XKR9: variants seen among roughly 807,000 people sequenced by gnomAD.
The protein encoded by XKR9 is XK related 9.
XKR9 carries 32 observed loss-of-function variants against 32.0 expected under a neutral mutation model. The ratio of observed to expected loss-of-function variants is 1.00; its 90% CI spans 0.76 to 1.34. The LOEUF is 1.34. XKR9 is among the 40% of genes most tolerant of loss of function. XKR9 has a pLI of 0.00. For missense variants in XKR9, 546 were observed against 429.7 expected, an observed-to-expected ratio of 1.27 and a Z score of -2.39; for synonymous variants, 168 against 143.4, an observed-to-expected ratio of 1.17 and a Z score of -1.22.
the XKR9 span, among the ~76,000 whole-genome samples, chr8:70,954,246 A>G: frequency 0.029 from 4,340 of 152,034 alleles, 181 homozygotes; most frequent in African/African-American, 0.1. Flanking sequence ...GTTCCCAGCT[A>G]GTGTAGCCTG....
chr8:70,776,786 A>T (rs910498261), intron 2 of XKR9, among the ~76,000 whole-genome samples: 3 of 151,656 alleles, frequency 2.0e-5, no homozygotes, highest in African/African-American at 7.3e-5. Context: ...CTGCCACCTT[A>T]AATTAAGAAA....
At position 70,733,946 on chromosome 8, in the gene XKR9, C is replaced by T. The variant is rs1000729653; in HGVS notation, c.644C>T (p.Ser215Leu). The change falls in exon 5 of 5, where the codon TCG (serine) becomes TTG (leucine). Residue 215 changes from serine to leucine, a missense_variant. Physicochemically the swap from Ser to Leu is moderately radical, Grantham distance 145 (BLOSUM62 -2). Transcript: ENST00000408926. The stretch of plus-strand genomic sequence containing the variant: ...TTTTACAAGTTGTTTACATTATTAT[C>T]GTGGATGCTGAGTGTTGTACTTCTA... Reference protein sequence around the residue: ...YLFYKLFTLLSWMLSVVLLLF... With the variant: ...YLFYKLFTLLLWMLSVVLLLF... The T allele has an allele frequency of 5.6e-6, 9 of 1,612,538 alleles. No individual in the cohort carries two copies. Among genetic ancestry groups the T allele is most frequent in the Middle Eastern group, 1.6e-4 (1 of 6,076 alleles).
chr8:70,708,668 G>A (rs1805806911), intron 4 of XKR9, among the ~76,000 whole-genome samples: 1 of 152,056 alleles, frequency 6.6e-6, no homozygotes, highest in South Asian at 2.1e-4. Context: ...TATGCAAAAT[G>A]TTAAGTGTGT....
At chr8:70,708,510 C>A (rs188914435) in intron 4 of XKR9, among the ~76,000 whole-genome samples, 1 of 151,980 alleles carries the variant, frequency 6.6e-6, no homozygotes, top group East Asian at 1.9e-4. Context: ...CATTATGTAG[C>A]CACTAGAGTG....
rs1281202644 is a variant in XKR9, at chr8:70,734,407, TA to T, written c.1106del (p.Tyr369PhefsTer3). On this transcript the variant is annotated frameshift_variant, in exon 5 of 5. Coordinates refer to ENST00000408926, the MANE Select transcript of XKR9 (RefSeq NM_001011720.2). LOFTEE classifies it high-confidence loss of function. ...KPVLRECRMR[Y>X]FLME ...AGTTCTAAGAGAATGTAGAATGAGA[TA>T]TTTCCTAATGGAATAAGCTATTCAT... is the stretch of plus-strand genomic sequence containing the variant. 2 of 1,586,594 alleles carry T rather than the reference TA, an allele frequency of 1.3e-6. No homozygotes were observed. The highest frequency in any genetic ancestry group is 3.6e-5 in the Admixed American group (2 of 55,616).
the XKR9 span, among the ~76,000 whole-genome samples, chr8:70,840,866 T>TA: frequency 6.6e-6 from 1 of 152,138 alleles, no homozygotes; most frequent in African/African-American, 2.4e-5. Context: ...TTTTACTCCC[T>TA]AAAAAAATTG....
chr8:70,695,771 T>A (rs1805249094), intron 3 of XKR9, among the ~76,000 whole-genome samples: 1 of 149,620 alleles, frequency 6.7e-6, no homozygotes, highest in African/African-American at 2.4e-5. Flanking sequence ...CCACAATGGT[T>A]GAACTAGTTT....
chr8:70,687,009 C>T lies in XKR9; in HGVS notation c.272+5679C>T, dbSNP rs573876882. Reference sequence around the variant, plus strand: ...TATTTAAAAATACACAGTAAATTATCGTTGACTTTAATCACCCTGTTATGT... The same window carrying T: ...TATTTAAAAATACACAGTAAATTATTGTTGACTTTAATCACCCTGTTATGT... On this transcript the variant is annotated intron_variant, in intron 3 of 4. Coordinates refer to ENST00000408926, the MANE Select transcript of XKR9 (RefSeq NM_001011720.2). Among the ~76,000 whole-genome samples, 6 of 152,236 alleles carry T rather than the reference C, an allele frequency of 3.9e-5. No individual in the cohort carries two copies. In the South Asian group the frequency reaches 8.3e-4, roughly 21 times the overall value.
the XKR9 span, among the ~76,000 whole-genome samples, chr8:70,991,030 G>A: frequency 6.6e-6 from 1 of 152,202 alleles, no homozygotes; most frequent in African/African-American, 2.4e-5. Flanking sequence ...TAGGGTGGGA[G>A]ACAAGACATC....
chr8:71,024,531 G>T, the XKR9 span, among the ~76,000 whole-genome samples: 1 of 152,108 alleles, frequency 6.6e-6, no homozygotes, highest in Non-Finnish European at 1.5e-5. Flanking sequence ...GCACCATTCT[G>T]CAACTACCTG....
chr8:70,896,953 C>T, the XKR9 span, among the ~76,000 whole-genome samples: 13 of 152,080 alleles, frequency 8.5e-5, no homozygotes, highest in South Asian at 2.1e-4. Context: ...CCCTGTTTTG[C>T]GAGCAAATAC....
chr8:70,906,371 T>G, the XKR9 span, among the ~76,000 whole-genome samples: 1 of 152,226 alleles, frequency 6.6e-6, no homozygotes, highest in African/African-American at 2.4e-5. Flanking sequence ...TATTTAATTT[T>G]TAGACTTGAG....
intron 3 of XKR9, among the ~76,000 whole-genome samples, chr8:70,685,151 A>G (rs1212801353): frequency 3.3e-5 from 5 of 152,040 alleles, no homozygotes; most frequent in Non-Finnish European, 7.4e-5. Flanking sequence ...TACACCATGG[A>G]ATACTACGCA....
chr8:70,827,020 G>A, the XKR9 span, among the ~76,000 whole-genome samples: 26 of 152,126 alleles, frequency 1.7e-4, no homozygotes, highest in East Asian at 2.9e-3. Context: ...ACATAAAGGC[G>A]GTGCTAATCT....
chr8:70,700,499 T>G (rs1805481838), intron 3 of XKR9, among the ~76,000 whole-genome samples: 1 of 152,118 alleles, frequency 6.6e-6, no homozygotes, highest in Non-Finnish European at 1.5e-5. Flanking sequence ...GCACAGCGGA[T>G]TTTCGTGAAC....
chr8:70,883,175 T>C, the XKR9 span, among the ~76,000 whole-genome samples: 8 of 151,856 alleles, frequency 5.3e-5, no homozygotes, highest in South Asian at 1.5e-3. Flanking sequence ...TATCACTCTA[T>C]ATGTCCTTGA....
At chr8:70,887,599 G>A in the XKR9 span, among the ~76,000 whole-genome samples, 15 of 151,834 alleles carry the variant, frequency 9.9e-5, no homozygotes, top group Middle Eastern at 3.4e-3. Flanking sequence ...CTTTTATTTC[G>A]TTGAGCAGTG....
At chr8:70,896,192 T>C in the XKR9 span, among the ~76,000 whole-genome samples, 1 of 151,910 alleles carries the variant, frequency 6.6e-6, no homozygotes, top group Admixed American at 6.6e-5. Context: ...CTTTTTCTGG[T>C]TTTGATATTA....
chr8:70,800,794 G>A, the XKR9 span, among the ~76,000 whole-genome samples: 2 of 152,074 alleles, frequency 1.3e-5, no homozygotes, highest in African/African-American at 4.8e-5. Context: ...CCAGGTTCTG[G>A]GGTTTTTTGG....
Sources: allele counts gnomAD v4.1 joint callset (sites outside exome capture counted in the v4.1 genomes callset), GRCh38; gene constraint gnomAD v4.1.1; transcripts MANE v1.5; gene names NCBI Gene and HGNC (gene_info 2026-07-23, HGNC 2026-07-21).